MDGA2: variants seen among roughly 807,000 people sequenced by gnomAD.
MDGA2 encodes MAM domain-containing glycosylphosphatidylinositol anchor protein 2.
A neutral mutation model predicts 117.8 loss-of-function variants in MDGA2; 40 were observed. That is an observed-to-expected ratio of 0.34 (90% CI 0.26 to 0.44). The LOEUF (loss-of-function observed/expected upper bound fraction) is 0.44, where lower values mean the gene tolerates loss of function less well. MDGA2 is among the 20% of genes least tolerant of loss of function. MDGA2 has a pLI of 1.00. For synonymous variants in MDGA2, 452 were observed against 439.0 expected, an observed-to-expected ratio of 1.03 and a Z score of -0.37; for missense variants, 1,123 against 1,250.6, an observed-to-expected ratio of 0.90 and a Z score of 1.54.
intron 5 of MDGA2, among the ~76,000 whole-genome samples, chr14:47,128,160 T>G (rs1278083784): frequency 6.6e-6 from 1 of 152,170 alleles, no homozygotes; most frequent in Non-Finnish European, 1.5e-5. Flanking sequence ...TAAGTCAATT[T>G]AGTTCATTCT....
intron 2 of MDGA2, among the ~76,000 whole-genome samples, chr14:47,285,115 T>C (rs1031579241): frequency 3.3e-5 from 5 of 152,134 alleles, no homozygotes; most frequent in African/African-American, 1.2e-4. Context: ...CTTCATAGAA[T>C]GTATGACTTA....
chr14:46,953,123 G>A (rs563535887), intron 9 of MDGA2, among the ~76,000 whole-genome samples: 1 of 151,940 alleles, frequency 6.6e-6, no homozygotes, highest in South Asian at 2.1e-4. Context: ...GTTTTTCAGA[G>A]AAAGTTTTTA....
rs368762630 is a variant in MDGA2, at chr14:47,144,050, G to T, written c.792+28C>A. 395 of 1,468,228 alleles carry T rather than the reference G, an allele frequency of 2.7e-4. 2 individuals carry two copies. The highest frequency in any genetic ancestry group is 2.0e-3 in the Admixed American group (91 of 45,898). The allele number at this position is 1,468,228 out of a possible 1,614,324, so 91.0% of individuals were successfully genotyped here. On this transcript the variant is annotated intron_variant, in intron 4 of 16. Transcript: ENST00000399232. The stretch of plus-strand genomic sequence containing the variant: ...TTAGGAAAGTATCCTAGCAGAGTAG[G>T]GTGGAAATACTGTACCTTAATTCAT...
chr14:47,598,866 A>G (rs530649409), intron 1 of MDGA2, among the ~76,000 whole-genome samples: 1 of 152,250 alleles, frequency 6.6e-6, no homozygotes, highest in East Asian at 1.9e-4. Flanking sequence ...CTGTCTCTAC[A>G]CTCTTCCCCA....
intron 1 of MDGA2, among the ~76,000 whole-genome samples, chr14:47,309,041 C>T (rs890422390): frequency 1.3e-5 from 2 of 152,134 alleles, no homozygotes; most frequent in African/African-American, 4.8e-5. Flanking sequence ...ATACTCCCTG[C>T]ACCCATGAAC....
intron 1 of MDGA2, among the ~76,000 whole-genome samples, chr14:47,312,677 G>GTTTTTTTTT (rs202227321): frequency 7.9e-5 from 10 of 126,766 alleles, no homozygotes; most frequent in African/African-American, 2.7e-4. Context: ...CTAGTTTTTA[G>GTTTTTTTTT]TTTTTTTTTT....
At chr14:46,933,041 G>C (rs1042440590) in intron 9 of MDGA2, among the ~76,000 whole-genome samples, 1 of 151,908 alleles carries the variant, frequency 6.6e-6, no homozygotes, top group Non-Finnish European at 1.5e-5. Context: ...AATATAAAAT[G>C]CTTAGGCATA....
intron 1 of MDGA2, among the ~76,000 whole-genome samples, chr14:47,399,526 A>C (rs1306779938): frequency 6.6e-6 from 1 of 152,198 alleles, no homozygotes; most frequent in Non-Finnish European, 1.5e-5. Flanking sequence ...GAACCTCAGA[A>C]GACCTTTAAT....
chr14:47,533,805 T>A (rs1439780099), intron 1 of MDGA2, among the ~76,000 whole-genome samples: 1 of 152,070 alleles, frequency 6.6e-6, no homozygotes, highest in East Asian at 1.9e-4. Context: ...AGCTCCAGAG[T>A]TTAGCAAAAG....
chr14:47,244,928 G>A (rs1887188452), intron 2 of MDGA2, among the ~76,000 whole-genome samples: 1 of 151,748 alleles, frequency 6.6e-6, no homozygotes, highest in Non-Finnish European at 1.5e-5. Context: ...CCTACTCAAT[G>A]AGAAAACAAA....
At chr14:47,231,530 G>A (rs1412522187) in intron 2 of MDGA2, among the ~76,000 whole-genome samples, 1 of 152,042 alleles carries the variant, frequency 6.6e-6, no homozygotes, top group African/African-American at 2.4e-5. Flanking sequence ...GAAGGCTGCT[G>A]TAACTCTTGG....
At chr14:47,100,260 C>G (rs1405603567) in intron 5 of MDGA2, among the ~76,000 whole-genome samples, 1 of 152,058 alleles carries the variant, frequency 6.6e-6, no homozygotes, top group African/African-American at 2.4e-5. Context: ...TATGTTAGCA[C>G]TTGTGTAGGT....
intron 12 of MDGA2, among the ~76,000 whole-genome samples, chr14:46,876,905 G>C (rs994275719): frequency 6.6e-6 from 1 of 151,294 alleles, no homozygotes; most frequent in African/African-American, 2.4e-5. Flanking sequence ...TCATATATGG[G>C]AATATTTTTC....
chr14:47,161,457 G>A (rs542812980), intron 3 of MDGA2, among the ~76,000 whole-genome samples: 228 of 151,790 alleles, frequency 1.5e-3, no homozygotes, highest in African/African-American at 5.3e-3. Context: ...TTTCTATTAT[G>A]GTTAGAACTT....
intron 8 of MDGA2, among the ~76,000 whole-genome samples, chr14:46,984,002 C>T (rs1217022677): frequency 6.6e-6 from 1 of 151,790 alleles, no homozygotes; most frequent in Non-Finnish European, 1.5e-5. Flanking sequence ...AAATATAGTG[C>T]TGTAAGTATA....
At chr14:46,974,818 TG>T (rs1200678277) in intron 8 of MDGA2, among the ~76,000 whole-genome samples, 2 of 152,142 alleles carry the variant, frequency 1.3e-5, no homozygotes, top group Non-Finnish European at 2.9e-5. Context: ...AGTAATTTTT[TG>T]GGTATGACAC....
At chr14:47,430,073 G>T (rs1187084936) in intron 1 of MDGA2, among the ~76,000 whole-genome samples, 1 of 151,200 alleles carries the variant, frequency 6.6e-6, no homozygotes, top group Non-Finnish European at 1.5e-5. Flanking sequence ...AATCAGAGAG[G>T]TACAGATCTA....
At chr14:47,235,682 G>C (rs770264135) in intron 2 of MDGA2, among the ~76,000 whole-genome samples, 4 of 152,126 alleles carry the variant, frequency 2.6e-5, no homozygotes, top group Non-Finnish European at 5.9e-5. Context: ...TGTGTTGTTC[G>C]TGATATGCCT....
intron 6 of MDGA2, among the ~76,000 whole-genome samples, chr14:47,064,809 C>T (rs1318790194): frequency 1.3e-5 from 2 of 151,986 alleles, no homozygotes; most frequent in African/African-American, 2.4e-5. Flanking sequence ...TCTCTTTTTC[C>T]GTGAACAATT....
Sources: gnomAD v4.1 joint callset for allele counts (sites outside exome capture counted in the v4.1 genomes callset) on GRCh38, gnomAD v4.1.1 for gene constraint, MANE v1.5 for transcripts, NCBI Gene and HGNC (gene_info 2026-07-23, HGNC 2026-07-21) for gene names.